The following CHST9 variants were observed in gnomAD, a reference collection of about 807,000 sequenced individuals.
The protein encoded by CHST9 is carbohydrate sulfotransferase 9.
CHST9 carries 41 observed loss-of-function variants against 44.4 expected under a neutral mutation model. That is an observed-to-expected ratio of 0.92 (90% CI 0.72 to 1.20). The LOEUF is 1.20. Among genes scored for constraint, CHST9 ranks in the 50% most tolerant of loss-of-function variants. The pLI, the probability that CHST9 is intolerant of heterozygous loss-of-function variation, is 0.00. For synonymous variants in CHST9, 171 were observed against 178.4 expected, an observed-to-expected ratio of 0.96 and a Z score of 0.33; for missense variants, 504 against 516.5, an observed-to-expected ratio of 0.98 and a Z score of 0.23.
intron 2 of CHST9, among the ~76,000 whole-genome samples, chr18:27,064,180 T>TA (rs1332399066): frequency 6.6e-6 from 1 of 151,654 alleles, no homozygotes; most frequent in Non-Finnish European, 1.5e-5. Context: ...GGGCAAGTGA[T>TA]AATAGATAGA....
At chr18:27,101,329 C>T (rs1436014619) in intron 2 of CHST9, among the ~76,000 whole-genome samples, 1 of 152,230 alleles carries the variant, frequency 6.6e-6, no homozygotes, top group Non-Finnish European at 1.5e-5. Flanking sequence ...CGGTGACTCA[C>T]GCCTGTAATC....
At chr18:27,085,781 G>A (rs1000880280) in intron 2 of CHST9, among the ~76,000 whole-genome samples, 4 of 152,006 alleles carry the variant, frequency 2.6e-5, no homozygotes, top group Non-Finnish European at 5.9e-5. Context: ...TATACCCAAA[G>A]GAATATAAAT....
intron 2 of CHST9, among the ~76,000 whole-genome samples, chr18:27,113,171 A>G (rs2058288757): frequency 6.8e-6 from 1 of 146,628 alleles, no homozygotes; most frequent in Non-Finnish European, 1.5e-5. Flanking sequence ...CCTGGGTGAC[A>G]GAGCTAGACT....
Position 27,067,003 on chromosome 18 carries a change from A to T in CHST9, c.122-18500T>A, listed in dbSNP as rs369790690. Among the ~76,000 whole-genome samples the T allele has an allele frequency of 1.9e-4, 29 of 152,184 alleles. No individual in the cohort carries two copies. The East Asian group carries it at 5.6e-3, about 29-fold the overall frequency. ...TCTCTTGATTACTCTGATCTTTTTT[A>T]TTAAGATAGAATTATCTATATTCCA... On this transcript the variant is annotated intron_variant, in intron 2 of 5. Coordinates refer to ENST00000618847, the MANE Select transcript of CHST9 (RefSeq NM_031422.6).
chr18:27,040,439 A>G (rs931242802), intron 3 of CHST9, among the ~76,000 whole-genome samples: 6 of 152,154 alleles, frequency 3.9e-5, no homozygotes, highest in Admixed American at 6.6e-5. Context: ...CTGCTTCTGA[A>G]AGGGACCCCT....
chr18:27,008,936 T>A (rs2057050513), intron 4 of CHST9, among the ~76,000 whole-genome samples: 1 of 151,752 alleles, frequency 6.6e-6, no homozygotes. Flanking sequence ...CTTTCCTTTG[T>A]CAAAAATACT....
chr18:26,934,497 G>A (rs1358648230), intron 5 of CHST9: 3 of 152,214 alleles, frequency 2.0e-5, no homozygotes, highest in African/African-American at 4.8e-5. Context: ...GCCTCCCAAA[G>A]TGCTGGGATT....
intron 4 of CHST9, among the ~76,000 whole-genome samples, chr18:26,990,640 G>C (rs1393172711): frequency 6.6e-6 from 1 of 152,086 alleles, no homozygotes; most frequent in East Asian, 1.9e-4. Context: ...TAGTAATTTA[G>C]GTGTTTGCTG....
chr18:27,031,910 T>C (rs1409799013), intron 3 of CHST9, among the ~76,000 whole-genome samples: 1 of 152,242 alleles, frequency 6.6e-6, no homozygotes, highest in Non-Finnish European at 1.5e-5. Context: ...ATGAGCAGCA[T>C]GCCAGGCCAA....
At chr18:26,931,201 T>C (rs1204441148) in intron 5 of CHST9, among the ~76,000 whole-genome samples, 2 of 152,190 alleles carry the variant, frequency 1.3e-5, no homozygotes, top group African/African-American at 2.4e-5. Flanking sequence ...TGCTGTATCA[T>C]TACCCCCTTC....
At chr18:27,125,818 C>T (rs58062044) in intron 2 of CHST9, among the ~76,000 whole-genome samples, 4,679 of 152,202 alleles carry the variant, frequency 0.031, 230 homozygotes, top group African/African-American at 0.1. Context: ...TTAAAAATCA[C>T]AAGTACTTTA....
chr18:27,097,942 A>G (rs193207196), intron 2 of CHST9, among the ~76,000 whole-genome samples: 208 of 152,082 alleles, frequency 1.4e-3, no homozygotes, highest in African/African-American at 4.6e-3. Context: ...ACTGGTCTAT[A>G]TATCTCTTTT....
chr18:27,043,500 A>G (rs759722544), intron 3 of CHST9, among the ~76,000 whole-genome samples: 4 of 151,992 alleles, frequency 2.6e-5, no homozygotes, highest in South Asian at 2.1e-4. Context: ...AAGGTGGGAA[A>G]CCTAAGAGTT....
intron 2 of CHST9, among the ~76,000 whole-genome samples, chr18:27,134,261 A>T (rs1226561568): frequency 6.6e-6 from 1 of 152,150 alleles, no homozygotes; most frequent in Non-Finnish European, 1.5e-5. Flanking sequence ...CAATGTAGAG[A>T]GAGAAAGTGT....
chr18:27,159,248 C>T (rs2058724997), intron 1 of CHST9, among the ~76,000 whole-genome samples: 1 of 152,168 alleles, frequency 6.6e-6, no homozygotes, highest in Non-Finnish European at 1.5e-5. Flanking sequence ...TTAGGTCTAA[C>T]ATTTAAGTCT....
In CHST9 at chr18:27,184,170, G is replaced by A. The variant is rs1164047195; in HGVS notation, c.-97+966C>T. Among the ~76,000 whole-genome samples the A allele has an allele frequency of 2.0e-5, 3 of 152,256 alleles. 1 individual carries two copies. The South Asian group carries it at 6.2e-4, about 32-fold the overall frequency. On this transcript the variant is annotated intron_variant, in intron 1 of 5. Transcript: ENST00000618847. ...TTTGGATCTGATAGCATAATAGGGA[G>A]AAAAAAGTCACACACACACATTGTG...
At chr18:27,170,520 A>G (rs2058826360) in intron 1 of CHST9, among the ~76,000 whole-genome samples, 1 of 152,162 alleles carries the variant, frequency 6.6e-6, no homozygotes, top group Non-Finnish European at 1.5e-5. Flanking sequence ...ATACTGGAAA[A>G]ATTCTTTCCC....
intron 2 of CHST9, among the ~76,000 whole-genome samples, chr18:27,049,220 C>A (rs1344896426): frequency 6.6e-6 from 1 of 151,948 alleles, no homozygotes; most frequent in Non-Finnish European, 1.5e-5. Context: ...GTAGTGGATG[C>A]AAGAGACCGG....
At chr18:27,139,012 T>C (rs1395930483) in intron 2 of CHST9, among the ~76,000 whole-genome samples, 2 of 152,194 alleles carry the variant, frequency 1.3e-5, no homozygotes, top group South Asian at 2.1e-4. Context: ...TATTGCATAA[T>C]TGGATAGATT....
Sources: allele counts gnomAD v4.1 joint callset (sites outside exome capture counted in the v4.1 genomes callset), GRCh38; gene constraint gnomAD v4.1.1; transcripts MANE v1.5; gene names NCBI Gene and HGNC (gene_info 2026-07-23, HGNC 2026-07-21).